ZNF407: variants seen among roughly 807,000 people sequenced by gnomAD.
ZNF407 encodes the protein zinc finger protein 407.
ZNF407 carries 17 observed loss-of-function variants against 131.2 expected under a neutral mutation model. That is an observed-to-expected ratio of 0.13 (90% CI 0.09 to 0.19). The LOEUF (loss-of-function observed/expected upper bound fraction) is 0.19, where lower values mean the gene tolerates loss of function less well. Among genes scored for constraint, ZNF407 ranks in the 10% least tolerant of loss-of-function variants. The probability of loss-of-function intolerance (pLI) is 1.00; values close to 1 mark genes in which losing one functional copy is unlikely to be tolerated. For missense variants in ZNF407, 2,681 were observed against 2,830.6 expected, an observed-to-expected ratio of 0.95 and a Z score of 1.20; for synonymous variants, 1,156 against 1,062.0, an observed-to-expected ratio of 1.09 and a Z score of -1.72.
intron 3 of ZNF407, among the ~76,000 whole-genome samples, chr18:74,678,123 G>A (rs944597872): frequency 2.0e-5 from 3 of 152,056 alleles, no homozygotes; most frequent in Non-Finnish European, 2.9e-5. Flanking sequence ...ACTCGGCCTC[G>A]TTATTTATTT....
At chr18:74,726,284 C>A (rs989156729) in intron 3 of ZNF407, among the ~76,000 whole-genome samples, 40 of 152,146 alleles carry the variant, frequency 2.6e-4, no homozygotes, top group African/African-American at 9.2e-4. Flanking sequence ...ATTACAAGAC[C>A]CCATGATGAA....
chr18:75,030,585 C>T (rs766466965), intron 8 of ZNF407, among the ~76,000 whole-genome samples: 8 of 152,190 alleles, frequency 5.3e-5, no homozygotes, highest in Non-Finnish European at 1.2e-4. Flanking sequence ...TGACTGTGTG[C>T]TGTTGGCCAG....
At chr18:74,615,128 G>A (rs1983230424) in intron 1 of ZNF407, among the ~76,000 whole-genome samples, 1 of 152,234 alleles carries the variant, frequency 6.6e-6, no homozygotes, top group Non-Finnish European at 1.5e-5. Flanking sequence ...GCTTCAAGGT[G>A]GAAGGAGCCA....
intron 4 of ZNF407, among the ~76,000 whole-genome samples, chr18:74,809,233 C>G (rs1344705239): frequency 6.6e-6 from 1 of 152,150 alleles, no homozygotes; most frequent in African/African-American, 2.4e-5. Context: ...TTACACTGCT[C>G]TCATTTAGAA....
At chr18:74,975,505 C>G (rs1972518111) in intron 8 of ZNF407, among the ~76,000 whole-genome samples, 1 of 152,082 alleles carries the variant, frequency 6.6e-6, no homozygotes, top group Non-Finnish European at 1.5e-5. Context: ...TCTATTTGAG[C>G]TTTGGGGATT....
At chr18:74,824,391 G>GA (rs1970381191) in intron 4 of ZNF407, among the ~76,000 whole-genome samples, 1 of 151,780 alleles carries the variant, frequency 6.6e-6, no homozygotes, top group South Asian at 2.1e-4. Flanking sequence ...ATAGAGACAG[G>GA]AAAATCCCTT....
chr18:74,766,958 C>A (rs1056609409), intron 3 of ZNF407, among the ~76,000 whole-genome samples: 6 of 152,260 alleles, frequency 3.9e-5, no homozygotes, highest in African/African-American at 1.4e-4. Context: ...GTCACTCAGG[C>A]TGGAGTGCGG....
intron 3 of ZNF407, among the ~76,000 whole-genome samples, chr18:74,685,720 A>C (rs941481262): frequency 1.3e-5 from 2 of 152,126 alleles, no homozygotes; most frequent in Non-Finnish European, 2.9e-5. Flanking sequence ...GTTGATGCTC[A>C]ACTGAGTGCT....
At chr18:74,674,735 C>G (rs1986287016) in intron 3 of ZNF407, among the ~76,000 whole-genome samples, 1 of 152,160 alleles carries the variant, frequency 6.6e-6, no homozygotes, top group South Asian at 2.1e-4. Flanking sequence ...AGCTCTATTC[C>G]TCTAGTGAAA....
chr18:74,612,765 G>C lies in ZNF407; in HGVS notation c.-54+14828G>C, dbSNP rs538022230. On this transcript the variant is annotated intron_variant, in intron 1 of 8. Coordinates refer to ENST00000299687, the MANE Select transcript of ZNF407 (RefSeq NM_017757.3). The stretch of plus-strand genomic sequence containing the variant: ...TTAATAAGTGTTATCCTTGCTTTGC[G>C]GAAGAGGCACCTTGCCCATGGGCAC... Among the ~76,000 whole-genome samples the C allele has an allele frequency of 2.0e-5, 3 of 152,140 alleles. No homozygotes were observed. The South Asian group carries it at 6.2e-4, about 32-fold the overall frequency.
At chr18:74,967,092 C>T (rs1478376257) in intron 8 of ZNF407, among the ~76,000 whole-genome samples, 1 of 152,064 alleles carries the variant, frequency 6.6e-6, no homozygotes, top group Non-Finnish European at 1.5e-5. Flanking sequence ...GAAACCTCGT[C>T]TCTACAAAAT....
At chr18:74,817,784 C>T (rs914141160) in intron 4 of ZNF407, among the ~76,000 whole-genome samples, 1 of 152,104 alleles carries the variant, frequency 6.6e-6, no homozygotes. Flanking sequence ...GATGCTACTT[C>T]CAAAGTATTA....
intron 3 of ZNF407, among the ~76,000 whole-genome samples, chr18:74,699,430 G>A (rs1967440469): frequency 6.6e-6 from 1 of 152,152 alleles, no homozygotes; most frequent in Non-Finnish European, 1.5e-5. Context: ...ACTTGCGTAT[G>A]GGAGCCCAGA....
chr18:74,653,748 A>C (rs1985329218), intron 3 of ZNF407, among the ~76,000 whole-genome samples: 1 of 151,900 alleles, frequency 6.6e-6, no homozygotes, highest in Admixed American at 6.6e-5. Context: ...TATTTAAAGC[A>C]TCAGTAGATT....
intron 8 of ZNF407, among the ~76,000 whole-genome samples, chr18:74,953,311 T>C (rs1972237214): frequency 6.6e-6 from 1 of 152,186 alleles, no homozygotes; most frequent in South Asian, 2.1e-4. Flanking sequence ...GCATGCCGCC[T>C]TCTGTGGTGG....
chr18:74,633,172 C>T lies in ZNF407; in HGVS notation c.2153C>T (p.Thr718Ile), dbSNP rs1348450897. ...TGTTTTTATAAAACAAGATCTTCTA[C>T]TGTTCTCACGAGACATATAAAGCTT... is the stretch of plus-strand genomic sequence containing the variant. Reference protein sequence around the residue: ...KKCFYKTRSSTVLTRHIKLRH... With the variant: ...KKCFYKTRSSIVLTRHIKLRH... Residue 718 changes from threonine to isoleucine, a missense_variant, in exon 2 of 9, where the codon ACT (threonine) becomes ATT (isoleucine). This residue lies in a region of ZNF407 where 1,789 missense variants were observed against 1,748.7 expected (regional missense o/e 1.02). Coordinates refer to ENST00000299687, the MANE Select transcript of ZNF407 (RefSeq NM_017757.3). 5.6e-6 allele frequency: 9 copies of T among 1,613,386 alleles called. No individual in the cohort carries two copies. The highest frequency in any genetic ancestry group is 7.6e-6 in the Non-Finnish European group (9 of 1,179,726).
chr18:75,019,606 C>A (rs553065525), intron 8 of ZNF407, among the ~76,000 whole-genome samples: 9 of 152,126 alleles, frequency 5.9e-5, no homozygotes, highest in Non-Finnish European at 8.8e-5. Flanking sequence ...AGAATATCCC[C>A]GCTGTAAGGG....
At chr18:74,622,439 C>G (rs1182638266) in intron 1 of ZNF407, among the ~76,000 whole-genome samples, 1 of 152,232 alleles carries the variant, frequency 6.6e-6, no homozygotes, top group African/African-American at 2.4e-5. Flanking sequence ...TCCGGCCTTG[C>G]CCTGCGAGGA....
intron 4 of ZNF407, among the ~76,000 whole-genome samples, chr18:74,823,739 T>G (rs1171801889): frequency 6.6e-6 from 1 of 152,194 alleles, no homozygotes; most frequent in Non-Finnish European, 1.5e-5. Context: ...ACAAAGTGAC[T>G]TAGACTCCCA....
Sources: allele counts gnomAD v4.1 joint callset (sites outside exome capture counted in the v4.1 genomes callset), GRCh38; gene constraint gnomAD v4.1.1; regional missense constraint gnomAD v4.1.1; transcripts MANE v1.5; gene names NCBI Gene and HGNC (gene_info 2026-07-23, HGNC 2026-07-21).